Variants in PTPRO observed in about 807,000 individuals in gnomAD.
PTPRO encodes the protein protein tyrosine phosphatase receptor type O, also known as receptor-type tyrosine-protein phosphatase O.
In PTPRO, 62 loss-of-function variants were observed where a neutral mutation model predicts 145.2. That is an observed-to-expected ratio of 0.43 (90% CI 0.35 to 0.53). PTPRO has a LOEUF of 0.53. Ranked by LOEUF, PTPRO falls within the 20% of genes least tolerant of loss-of-function variation. The pLI is 0.01. For missense variants in PTPRO, 1,345 were observed against 1,482.7 expected (o/e 0.91, Z 1.53); for synonymous variants, 565 against 514.7 (o/e 1.10, Z -1.32).
At chr12:15,358,300 G>A (rs1233631738) in intron 1 of PTPRO, among the ~76,000 whole-genome samples, 1 of 150,360 alleles carries the variant, frequency 6.7e-6, no homozygotes, top group African/African-American at 2.4e-5. Context: ...GAGTTAATGG[G>A]TGCAGCACAC....
At chr12:15,566,637 C>T (rs547502323) in intron 18 of PTPRO, among the ~76,000 whole-genome samples, 1 of 152,278 alleles carries the variant, frequency 6.6e-6, no homozygotes, top group African/African-American at 2.4e-5. Context: ...TCTCCTGCCT[C>T]AGCCTCCCCA....
At chr12:15,374,312 C>G (rs1938616899) in intron 1 of PTPRO, among the ~76,000 whole-genome samples, 1 of 152,132 alleles carries the variant, frequency 6.6e-6, no homozygotes, top group Non-Finnish European at 1.5e-5. Flanking sequence ...CATAAATCCA[C>G]TTCTTCATGA....
intron 16 of PTPRO, among the ~76,000 whole-genome samples, chr12:15,559,910 A>C (rs1423760777): frequency 3.0e-4 from 46 of 152,178 alleles, no homozygotes; most frequent in Non-Finnish European, 1.2e-4. Context: ...CTGAATGCAA[A>C]ATGTAATCAC....
chr12:15,526,404 C>T, intron 12 of PTPRO, 142 bp downstream of exon 12: 1 of 1,132,274 alleles, frequency 8.8e-7, no homozygotes, highest in South Asian at 1.3e-5. Context: ...TTTGTACTAG[C>T]AAAAGGGTAT....
At chr12:15,573,491 T>C (rs1254945111) in intron 19 of PTPRO, among the ~76,000 whole-genome samples, 3 of 152,218 alleles carry the variant, frequency 2.0e-5, no homozygotes, top group Non-Finnish European at 4.4e-5. Context: ...GTCTTTAATA[T>C]TGTTATTTAT....
rs1005858407 is a variant in PTPRO at position 15,442,265 on chromosome 12, C to T, written c.76-41709C>T. Among the ~76,000 whole-genome samples the T allele has an allele frequency of 2.6e-5, 4 of 151,898 alleles. No homozygotes were observed. In the South Asian group the frequency reaches 8.3e-4, roughly 32 times the overall value. ...ACAAAAACAATATGATTATCTCAGA[C>T]ACAGGGAAAGCTTTTGATAAAATCC... On this transcript the variant is annotated intron_variant, in intron 1 of 26. Coordinates refer to ENST00000281171, the MANE Select transcript of PTPRO (RefSeq NM_030667.3).
intron 7 of PTPRO, among the ~76,000 whole-genome samples, chr12:15,511,839 C>T (rs953778126): frequency 3.3e-5 from 5 of 152,164 alleles, no homozygotes; most frequent in African/African-American, 9.7e-5. Context: ...GGTGGGATTA[C>T]AGGCGTGAGC....
At chr12:15,570,429 C>T (rs1383788824) in intron 19 of PTPRO, among the ~76,000 whole-genome samples, 1 of 152,002 alleles carries the variant, frequency 6.6e-6, no homozygotes, top group Non-Finnish European at 1.5e-5. Flanking sequence ...CCAAGGACAG[C>T]TTTAGTCTGC....
chr12:15,352,474 C>T (rs1937837306), intron 1 of PTPRO, among the ~76,000 whole-genome samples: 1 of 151,902 alleles, frequency 6.6e-6, no homozygotes, highest in South Asian at 2.1e-4. Context: ...CACGGTGAAA[C>T]CCCATCTCTA....
chr12:15,484,503 A>G (rs1275821179), intron 2 of PTPRO, among the ~76,000 whole-genome samples: 1 of 152,168 alleles, frequency 6.6e-6, no homozygotes, highest in Admixed American at 6.5e-5. Context: ...AGACTGAGTA[A>G]CAATTTCAAA....
chr12:15,418,745 A>G (rs1940051933), intron 1 of PTPRO, among the ~76,000 whole-genome samples: 1 of 151,714 alleles, frequency 6.6e-6, no homozygotes, highest in Admixed American at 6.6e-5. Context: ...GAGGCAATGG[A>G]GTACTGGGAG....
chr12:15,443,994 C>CAAA (rs35520232), intron 1 of PTPRO, among the ~76,000 whole-genome samples: 3 of 144,836 alleles, frequency 2.1e-5, no homozygotes, highest in Admixed American at 1.4e-4. Flanking sequence ...GAGTATATAT[C>CAAA]AAAAAAAAAA....
At chr12:15,472,312 T>A (rs143049034) in intron 1 of PTPRO, among the ~76,000 whole-genome samples, 1 of 152,344 alleles carries the variant, frequency 6.6e-6, no homozygotes, top group Non-Finnish European at 1.5e-5. Context: ...AGCCTGTTAT[T>A]CTGCATACTC....
intron 1 of PTPRO, among the ~76,000 whole-genome samples, chr12:15,410,929 C>T (rs1939781906): frequency 6.6e-6 from 1 of 152,088 alleles, no homozygotes; most frequent in Non-Finnish European, 1.5e-5. Flanking sequence ...AATCAGGATG[C>T]TAGACAATTA....
At chr12:15,445,642 G>A (rs1298784494) in intron 1 of PTPRO, among the ~76,000 whole-genome samples, 1 of 152,084 alleles carries the variant, frequency 6.6e-6, no homozygotes, top group Non-Finnish European at 1.5e-5. Flanking sequence ...AATCAATCAT[G>A]TGCTTACACT....
chr12:15,352,624 T>C (rs1448013003), intron 1 of PTPRO, among the ~76,000 whole-genome samples: 2 of 135,358 alleles, frequency 1.5e-5, no homozygotes, highest in African/African-American at 5.8e-5. Flanking sequence ...CACTCCAGCC[T>C]GGGCGACAGA....
At chr12:15,522,656 G>C (rs1942749313) in intron 10 of PTPRO, among the ~76,000 whole-genome samples, 1 of 152,110 alleles carries the variant, frequency 6.6e-6, no homozygotes, top group Admixed American at 6.5e-5. Context: ...CAAAATATTT[G>C]AATTAGGTGT....
chr12:15,584,496 T>C (rs191021207), intron 23 of PTPRO, among the ~76,000 whole-genome samples: 87 of 152,334 alleles, frequency 5.7e-4, no homozygotes, highest in African/African-American at 2.0e-3. Flanking sequence ...AGTACTATGC[T>C]TCTTGTCCTT....
intron 1 of PTPRO, among the ~76,000 whole-genome samples, chr12:15,471,496 T>C (rs1354996289): frequency 6.6e-6 from 1 of 152,152 alleles, no homozygotes; most frequent in African/African-American, 2.4e-5. Flanking sequence ...CCACAGCCCA[T>C]TGTAAATATT....
Sources: gnomAD v4.1 joint callset for allele counts (sites outside exome capture counted in the v4.1 genomes callset) on GRCh38, gnomAD v4.1.1 for gene constraint, MANE v1.5 for transcripts, NCBI Gene and HGNC (gene_info 2026-07-23, HGNC 2026-07-21) for gene names.